Variants in FBXO7 observed in about 807,000 individuals in gnomAD.
FBXO7 encodes the protein F-box protein 7.
FBXO7 carries 31 observed loss-of-function variants against 50.2 expected under a neutral mutation model. The observed-to-expected ratio is 0.62, with a 90% confidence interval of 0.46 to 0.83. The LOEUF (loss-of-function observed/expected upper bound fraction) is 0.83. Among genes scored for constraint, FBXO7 ranks in the 40% least tolerant of loss-of-function variants. FBXO7 has a pLI of 0.00. For missense variants in FBXO7, 667 were observed against 646.6 expected, an observed-to-expected ratio of 1.03 and a Z score of -0.34; for synonymous variants, 256 against 253.1, an observed-to-expected ratio of 1.01 and a Z score of -0.11.
chr22:32,493,023 G>A (rs2057547393), intron 6 of FBXO7, 82 bp from the exon 7 acceptor site: 1 of 1,348,160 alleles, frequency 7.4e-7, no homozygotes, highest in East Asian at 2.3e-5. Context: ...AAAGGAACAA[G>A]TGGCAACTTT....
At chr22:32,485,970 G>T (rs1056031111) in intron 4 of FBXO7, among the ~76,000 whole-genome samples, 2 of 152,154 alleles carry the variant, frequency 1.3e-5, no homozygotes, top group African/African-American at 4.8e-5. Context: ...TAGTTAGAAA[G>T]ATAGCGTGGT....
In FBXO7 at chr22:32,498,793, A is replaced by G. The variant is rs886057422; in HGVS notation, c.*263A>G. 1 of 537,486 alleles carries G rather than the reference A, an allele frequency of 1.9e-6. No individual in the cohort carries two copies. Among genetic ancestry groups the G allele is most frequent in the Non-Finnish European group, 3.3e-6 (1 of 300,096 alleles). The allele number at this position is 537,486 out of a possible 1,614,324, so 33.3% of individuals were successfully genotyped here. A position where few individuals can be genotyped will look rare whatever the true frequency, so the allele number is the denominator to read the frequency against. On this transcript the variant is annotated 3_prime_UTR_variant, in exon 9 of 9. Transcript: ENST00000266087. ...CCTCTAGATTGAAGTTTGTTTTCTG[A>G]TGCTGTTCTTACCAGATTAAAAAAA... is the stretch of plus-strand genomic sequence containing the variant.
At chr22:32,491,314 C>T (rs1312122633) in intron 6 of FBXO7, 133 bp downstream of exon 6, 33 of 664,844 alleles carry the variant, frequency 5.0e-5, no homozygotes, top group Non-Finnish European at 8.3e-5. Flanking sequence ...TAAGACTAAG[C>T]TTAATATTCC....
chr22:32,496,202 C>G (rs951003007), intron 8 of FBXO7, among the ~76,000 whole-genome samples: 1 of 152,122 alleles, frequency 6.6e-6, no homozygotes, highest in Non-Finnish European at 1.5e-5. Context: ...TAAATCAGGC[C>G]GGGTGTGGTG....
In FBXO7 at chr22:32,479,280, G is replaced by T. The variant is rs2057448893; in HGVS notation, c.417+5G>T. 6.2e-7 allele frequency: 1 copy of T among 1,613,188 alleles called. No homozygotes were observed. The highest frequency in any genetic ancestry group is 1.3e-5 in the African/African-American group (1 of 74,854). On this transcript the variant is annotated splice_donor_5th_base_variant and intron_variant, in intron 2 of 8. Transcript: ENST00000266087. ...GTTTGGAATGACGACAGTATGGTGG[G>T]TATTAAACACCAATATATCAAATAG...
At position 32,484,014 on chromosome 22, in the gene FBXO7, G is replaced by A. The variant is rs371294823; in HGVS notation, c.535G>A (p.Val179Met). Reference sequence around the variant, plus strand: ...CTGTAGTGAATCGGTGGAAGGGCAAGTGCCACATTCATTAGAGACCTTGTA... The same window carrying A: ...CTGTAGTGAATCGGTGGAAGGGCAAATGCCACATTCATTAGAGACCTTGTA... ...MLCSESVEGQ[V>M]PHSLETLYQS... Residue 179 changes from valine (V) to methionine (M), a missense_variant, in exon 3 of 9, where the codon GTG becomes ATG. Val to Met is a conservative substitution (Grantham distance 21). Transcript: ENST00000266087. 1.2e-6 allele frequency: 2 copies of A among 1,614,204 alleles called. No homozygotes were observed. The highest frequency in any genetic ancestry group is 1.7e-6 in the Non-Finnish European group (2 of 1,180,018).
chr22:32,477,737 A>T (rs1278208492), intron 1 of FBXO7, among the ~76,000 whole-genome samples: 4 of 152,214 alleles, frequency 2.6e-5, no homozygotes, highest in African/African-American at 9.6e-5. Flanking sequence ...ACTGTCCTGT[A>T]AGGATATTGA....
chr22:32,495,404 ACTTTT>A (rs1178089204), intron 7 of FBXO7, 84 bp from the exon 8 acceptor site: 2 of 789,680 alleles, frequency 2.5e-6, no homozygotes, highest in Non-Finnish European at 4.2e-6. Flanking sequence ...GGTAAGTTTC[ACTTTT>A]CTTAGGAGAA....
At chr22:32,475,340 TG>T (rs2057419966) in intron 1 of FBXO7, 1 of 1,607,978 alleles carries the variant, frequency 6.2e-7, no homozygotes, top group African/African-American at 1.3e-5. Flanking sequence ...GGTGGTCGGC[TG>T]GGGTCCGGCT....
chr22:32,497,906 T>A (rs939819234), intron 8 of FBXO7, among the ~76,000 whole-genome samples: 2 of 152,248 alleles, frequency 1.3e-5, no homozygotes, highest in Non-Finnish European at 2.9e-5. Flanking sequence ...ATGTACATTG[T>A]CTTTTTAGAT....
At position 32,483,929 on chromosome 22, in the gene FBXO7, A is replaced by T; in HGVS notation, c.450A>T (p.Ser150=). 1 of 1,614,220 alleles carries T rather than the reference A, an allele frequency of 6.2e-7. No homozygotes were observed. ...CTAGTCAAAATTTTGAAGCTGAGTC[A>T]ATTCAAGATAATGCGCATATGGCAG... ...LGPSQNFEAE[S]IQDNAHMAEG... Residue 150 remains serine (S), a synonymous_variant, in exon 3 of 9, where the codon TCA becomes TCT. Transcript: ENST00000266087.
rs983085594 is a variant in FBXO7 at position 32,498,732 on chromosome 22, G to C, written c.*202G>C. Reference sequence around the variant, plus strand: ...TCCTCTGTGACAAGGTTGGCCTTGGGAATAGTTGGCTGCCAATCTCCCTGC... The same window carrying C: ...TCCTCTGTGACAAGGTTGGCCTTGGCAATAGTTGGCTGCCAATCTCCCTGC... On this transcript the variant is annotated 3_prime_UTR_variant, in exon 9 of 9. Transcript: ENST00000266087. 1.2e-4 allele frequency: 75 copies of C among 626,280 alleles called. No individual in the cohort carries two copies. Among genetic ancestry groups the C allele is most frequent in the Non-Finnish European group, 1.9e-4 (69 of 362,138 alleles). The allele number at this position is 626,280 out of a possible 1,614,324, so 38.8% of individuals were successfully genotyped here.
In FBXO7 at chr22:32,491,131, G is replaced by C. The variant is rs771599282; in HGVS notation, c.917G>C (p.Arg306Pro). 6.2e-7 allele frequency: 1 copy of C among 1,613,376 alleles called. No homozygotes were observed. The highest frequency in any genetic ancestry group is 1.1e-5 in the South Asian group (1 of 91,052). Residue 306 changes from arginine (R) to proline (P), a missense_variant, in exon 6 of 9, where the codon CGC becomes CCC. By Grantham distance (103) the Arg-to-Pro change is moderately radical. Coordinates refer to ENST00000266087, the MANE Select transcript of FBXO7 (RefSeq NM_012179.4). ...TACAAAGATCTTCAGAAACTCTCTC[G>C]CCTCTTTAAAGACCAGCTGGTGTAT... ...NIYKDLQKLS[R>P]LFKDQLVYPL...
chr22:32,491,851 A>T (rs1275080969), intron 6 of FBXO7: 2 of 151,956 alleles, frequency 1.3e-5, no homozygotes, highest in Admixed American at 6.6e-5. Flanking sequence ...TTTTGCAGTT[A>T]AAAAAATTAA....
rs776439796 is a variant in FBXO7 at position 32,487,796 on chromosome 22, T to C, written c.839T>C (p.Leu280Pro). ...AGAAGTGTGAAAAGATTGCAGCTGC[T>C]ACCAGAATCTTTTATTTGCAAAGAG... is the stretch of plus-strand genomic sequence containing the variant. ...EIRSVKRLQL[L>P]PESFICKEKL... Residue 280 changes from leucine to proline, a missense_variant, in exon 5 of 9, where the codon CTA (leucine) becomes CCA (proline). By Grantham distance (98) the Leu-to-Pro change is moderately conservative (BLOSUM62 -3). Coordinates refer to ENST00000266087, the MANE Select transcript of FBXO7 (RefSeq NM_012179.4). 52 of 1,607,096 alleles carry C rather than the reference T, an allele frequency of 3.2e-5. No homozygotes were observed. Among genetic ancestry groups the C allele is most frequent in the Admixed American group, 1.3e-4 (8 of 59,944 alleles).
chr22:32,475,682 C>T, intron 1 of FBXO7: 1 of 392,926 alleles, frequency 2.5e-6, no homozygotes, highest in Non-Finnish European at 4.5e-6. Context: ...TGTGTTCATG[C>T]GCCGAGCACC....
intron 1 of FBXO7, 40 bp downstream of exon 1, chr22:32,475,164 G>T: frequency 7.8e-6 from 12 of 1,531,712 alleles, no homozygotes; most frequent in Non-Finnish European, 1.1e-5. Flanking sequence ...CGGGGAGTGG[G>T]GAGTGCTTGG....
chr22:32,475,740 C>A, intron 1 of FBXO7: 1 of 273,548 alleles, frequency 3.7e-6, no homozygotes, highest in Non-Finnish European at 6.9e-6. Flanking sequence ...GAAAGGACAG[C>A]GTGTAGGCGT....
Position 32,479,016 on chromosome 22 carries a change from A to G in FBXO7, c.158A>G (p.Lys53Arg). ...CGATTTACAATTACATTGAACTACA[A>G]GGATCCCCTCACTGGAGATGAAGAG... ...NTRFTITLNY[K>R]DPLTGDEETL... Residue 53 changes from lysine (K) to arginine (R), a missense_variant, in exon 2 of 9, where the codon AAG (lysine) becomes AGG (arginine). Lys to Arg is a conservative substitution (Grantham distance 26). Coordinates refer to ENST00000266087, the MANE Select transcript of FBXO7 (RefSeq NM_012179.4). 6.2e-7 allele frequency: 1 copy of G among 1,614,238 alleles called. No individual in the cohort carries two copies. Among genetic ancestry groups the G allele is most frequent in the East Asian group, 2.2e-5 (1 of 44,884 alleles).
Sources: gnomAD v4.1 joint callset for allele counts (sites outside exome capture counted in the v4.1 genomes callset) on GRCh38, gnomAD v4.1.1 for gene constraint, MANE v1.5 for transcripts, NCBI Gene and HGNC (gene_info 2026-07-23, HGNC 2026-07-21) for gene names.